SLTM: variants seen among roughly 807,000 people sequenced by gnomAD.
SLTM encodes SAFB-like transcription modulator.
SLTM carries 43 observed loss-of-function variants against 134.6 expected under a neutral mutation model. That is an observed-to-expected ratio of 0.32 (90% confidence interval 0.25 to 0.41). The LOEUF is 0.41. Ranked by LOEUF, SLTM falls within the 10% of genes least tolerant of loss-of-function variation. The pLI is 1.00. For missense variants in SLTM, 1,055 were observed against 1,288.8 expected (o/e 0.82, Z 2.78); for synonymous variants, 424 against 432.3 (o/e 0.98, Z 0.24).
intron 14 of SLTM, 142 bp downstream of exon 14, chr15:58,892,755 G>A: frequency 1.2e-6 from 1 of 829,102 alleles, no homozygotes; most frequent in Non-Finnish European, 1.9e-6. Context: ...GCAAACTTAA[G>A]AAATCATTAG....
At chr15:58,907,245 G>C (rs1015718054) in intron 5 of SLTM, among the ~76,000 whole-genome samples, 31 of 152,114 alleles carry the variant, frequency 2.0e-4, no homozygotes, top group Admixed American at 2.0e-3. Flanking sequence ...GAAACATTAG[G>C]TGCAAAGGCA....
intron 8 of SLTM, among the ~76,000 whole-genome samples, chr15:58,897,753 A>G (rs1312649459): frequency 1.3e-5 from 2 of 152,150 alleles, no homozygotes; most frequent in Non-Finnish European, 1.5e-5. Context: ...AATTATATGC[A>G]GCTGGATAAC....
chr15:58,921,153 G>A (rs1447392494), intron 2 of SLTM, among the ~76,000 whole-genome samples: 1 of 152,100 alleles, frequency 6.6e-6, no homozygotes, highest in Non-Finnish European at 1.5e-5. Context: ...TGGTCCAGGT[G>A]CTAGGATAAA....
At position 58,879,202 on chromosome 15, in the gene SLTM, A is replaced by G. The variant is rs2033502608; in HGVS notation, c.*797T>C. ...AACATGGAAACATTAATACCCACAC[A>G]ATTCCCAGAGATGGAATTTATCCAT... is the stretch of plus-strand genomic sequence containing the variant. On this transcript the variant is annotated 3_prime_UTR_variant, in exon 21 of 21. Coordinates refer to ENST00000380516, the MANE Select transcript of SLTM (RefSeq NM_024755.4). 6.6e-6 allele frequency: 1 copy of G among 152,176 alleles called. No individual in the cohort carries two copies. Among genetic ancestry groups the G allele is most frequent in the African/African-American group, 2.4e-5 (1 of 41,434 alleles). The allele number at this position is 152,176 out of a possible 1,614,324, so 9.4% of individuals were successfully genotyped here. A position where few individuals can be genotyped will look rare whatever the true frequency, so the allele number is the denominator to read the frequency against.
chr15:58,914,810 G>A (rs1423925926), intron 3 of SLTM, among the ~76,000 whole-genome samples: 1 of 152,186 alleles, frequency 6.6e-6, no homozygotes, highest in African/African-American at 2.4e-5. Context: ...TGTGGGAGAT[G>A]AGAAAATATA....
chr15:58,890,938 T>C (rs1292861686), intron 14 of SLTM, among the ~76,000 whole-genome samples: 1 of 152,206 alleles, frequency 6.6e-6, no homozygotes, highest in African/African-American at 2.4e-5. Context: ...ATACTACATA[T>C]AACAAAATGG....
Position 58,883,659 on chromosome 15 carries a change from C to T in SLTM, c.2963G>A (p.Arg988Gln), listed in dbSNP as rs1283520688. 3.1e-6 allele frequency: 5 copies of T among 1,614,074 alleles called. No homozygotes were observed. Among genetic ancestry groups the T allele is most frequent in the East Asian group, 2.2e-5 (1 of 44,874 alleles). The change falls in exon 20 of 21, where the codon CGG (arginine) becomes CAG (glutamine). Residue 988 changes from arginine (R) to glutamine (Q), a missense_variant. Arg to Gln is a conservative substitution (Grantham distance 43, BLOSUM62 1). Coordinates refer to ENST00000380516, the MANE Select transcript of SLTM (RefSeq NM_024755.4). Reference protein sequence around the residue: ...YHDTRRMGDGRAGAGMITQHS... With the variant: ...YHDTRRMGDGQAGAGMITQHS... ...TTGGGTTATCATGCCTGCTCCTGCC[C>T]GGCCGTCACCCATTCGCCTCGTATC...
At chr15:58,909,159 T>C (rs1202890381) in intron 5 of SLTM, among the ~76,000 whole-genome samples, 1 of 152,168 alleles carries the variant, frequency 6.6e-6, no homozygotes, top group Non-Finnish European at 1.5e-5. Flanking sequence ...ATGGCACATC[T>C]TTACATACCA....
chr15:58,898,749 T>A, intron 8 of SLTM, 54 bp downstream of exon 8: 1 of 1,394,200 alleles, frequency 7.2e-7, no homozygotes, highest in South Asian at 1.2e-5. Context: ...TACTACTTTT[T>A]AATGAAAATA....
At chr15:58,880,234 T>A in intron 20 of SLTM, 127 bp from the exon 21 acceptor site, 1 of 1,270,770 alleles carries the variant, frequency 7.9e-7, no homozygotes, top group Non-Finnish European at 1.0e-6. Context: ...TCCCGTGAGG[T>A]CTGAACCATT....
At chr15:58,917,578 C>A (rs1567150253) in intron 2 of SLTM, among the ~76,000 whole-genome samples, 1 of 152,120 alleles carries the variant, frequency 6.6e-6, no homozygotes, top group South Asian at 2.1e-4. Flanking sequence ...TTATTTATTT[C>A]TCCAAAAGCC....
intron 5 of SLTM, among the ~76,000 whole-genome samples, chr15:58,907,514 A>G (rs148778029): frequency 6.5e-4 from 99 of 152,186 alleles, no homozygotes; most frequent in African/African-American, 2.2e-3. Context: ...CCCAGCTACC[A>G]GGAGACTGAG....
intron 5 of SLTM, among the ~76,000 whole-genome samples, chr15:58,906,916 T>G (rs761846778): frequency 8.5e-5 from 13 of 152,184 alleles, no homozygotes; most frequent in Non-Finnish European, 2.9e-5. Context: ...TAGTGTGGAG[T>G]TATTTAGTGA....
Position 58,913,557 on chromosome 15 carries a change from T to C in SLTM, c.455A>G (p.His152Arg), listed in dbSNP as rs138293581. Reference sequence around the variant, plus strand: ...TATTCCTTCTGCCTCTATTAATTCATGAGCTCTCTTGTTTTCTTCTGCAGA... The same window carrying C: ...TATTCCTTCTGCCTCTATTAATTCACGAGCTCTCTTGTTTTCTTCTGCAGA... ...LLSAEENKRA[H>R]ELIEAEGIED... Residue 152 changes from histidine (H) to arginine (R), a missense_variant, in exon 4 of 21, where the codon CAT becomes CGT. Transcript: ENST00000380516. The C allele has an allele frequency of 2.7e-5, 44 of 1,613,296 alleles. No individual in the cohort carries two copies. The highest frequency in any genetic ancestry group is 3.6e-5 in the Non-Finnish European group (43 of 1,179,882).
At chr15:58,921,114 A>G (rs1212321698) in intron 2 of SLTM, among the ~76,000 whole-genome samples, 1 of 152,252 alleles carries the variant, frequency 6.6e-6, no homozygotes, top group African/African-American at 2.4e-5. Flanking sequence ...CAACAAAAAC[A>G]GCAGTCATTA....
chr15:58,889,020 A>G, intron 16 of SLTM: 1 of 191,448 alleles, frequency 5.2e-6, no homozygotes, highest in East Asian at 1.3e-4. Flanking sequence ...TTATGTTAAG[A>G]AGATTAAATG....
At chr15:58,887,564 T>C (rs762077419) in intron 17 of SLTM, 24 bp from the exon 18 acceptor site, 12 of 1,589,358 alleles carry the variant, frequency 7.6e-6, no homozygotes, top group East Asian at 4.5e-5. Context: ...ACAAAGAATA[T>C]AGGTCCAAGA....
chr15:58,879,531 T>C lies in SLTM; in HGVS notation c.*468A>G, dbSNP rs898999864. ...GTACCTTCTGCAAAAATAGGTTACA[T>C]AATACTCAGAAATGCAATGAACAAT... On this transcript the variant is annotated 3_prime_UTR_variant, in exon 21 of 21. Transcript: ENST00000380516. 6.5e-6 allele frequency: 1 copy of C among 153,094 alleles called. No individual in the cohort carries two copies. The highest frequency in any genetic ancestry group is 2.4e-5 in the African/African-American group (1 of 41,480). 9.5% of individuals were successfully genotyped at this position (153,094 alleles called of 1,614,324 possible).
intron 19 of SLTM, among the ~76,000 whole-genome samples, chr15:58,885,551 T>C (rs570073156): frequency 3.9e-4 from 60 of 152,220 alleles, no homozygotes; most frequent in Non-Finnish European, 6.8e-4. Context: ...TTCCAGCACT[T>C]TGGGAGACAG....
Sources: gnomAD v4.1 joint callset for allele counts (sites outside exome capture counted in the v4.1 genomes callset) on GRCh38, gnomAD v4.1.1 for gene constraint, MANE v1.5 for transcripts, NCBI Gene and HGNC (gene_info 2026-07-23, HGNC 2026-07-21) for gene names.